The following SLC22A3 variants were observed in gnomAD, a reference collection of about 807,000 sequenced individuals.
SLC22A3 encodes EMT organic cation transporter 3.
A neutral mutation model predicts 59.1 loss-of-function variants in SLC22A3; 51 were observed. The ratio of observed to expected loss-of-function variants is 0.86; its 90% CI spans 0.69 to 1.09. The LOEUF is 1.09. Among genes scored for constraint, SLC22A3 ranks in the 50% least tolerant of loss-of-function variants. The probability of loss-of-function intolerance (pLI) is 0.00; values close to 1 mark genes in which losing one functional copy is unlikely to be tolerated. For synonymous variants in SLC22A3, 325 were observed against 292.0 expected (o/e 1.11, Z -1.15); for missense variants, 711 against 726.3 (o/e 0.98, Z 0.24).
At chr6:160,408,266 C>T (rs747385768) in intron 3 of SLC22A3, among the ~76,000 whole-genome samples, 8 of 152,120 alleles carry the variant, frequency 5.3e-5, no homozygotes, top group Non-Finnish European at 1.0e-4. Flanking sequence ...AGAGAATTAT[C>T]ATTTAATAGA....
At chr6:160,412,302 G>A (rs1787286776) in intron 5 of SLC22A3, among the ~76,000 whole-genome samples, 1 of 152,150 alleles carries the variant, frequency 6.6e-6, no homozygotes, top group African/African-American at 2.4e-5. Flanking sequence ...GGCAGAGGTT[G>A]CAATGAGACA....
intron 1 of SLC22A3, among the ~76,000 whole-genome samples, chr6:160,373,367 C>T (rs1372781617): frequency 3.3e-5 from 5 of 152,212 alleles, no homozygotes; most frequent in African/African-American, 9.6e-5. Context: ...CTACCTGTTT[C>T]TTCCTCTGGA....
intron 5 of SLC22A3, among the ~76,000 whole-genome samples, chr6:160,423,745 C>CAA (rs1298764266): frequency 6.6e-6 from 1 of 152,180 alleles, no homozygotes; most frequent in African/African-American, 2.4e-5. Flanking sequence ...GAGTAGATTG[C>CAA]AAAAATTTTC....
chr6:160,421,275 C>T (rs908375411), intron 5 of SLC22A3, among the ~76,000 whole-genome samples: 7 of 152,188 alleles, frequency 4.6e-5, no homozygotes, highest in East Asian at 1.9e-4. Flanking sequence ...AGGAACAAGT[C>T]CTATTGCTTG....
At chr6:160,411,185 T>C (rs1315894678) in intron 5 of SLC22A3, among the ~76,000 whole-genome samples, 1 of 152,232 alleles carries the variant, frequency 6.6e-6, no homozygotes, top group Non-Finnish European at 1.5e-5. Context: ...TTATTATACT[T>C]TACTTACTGT....
intron 10 of SLC22A3, among the ~76,000 whole-genome samples, chr6:160,449,369 C>A (rs919441691): frequency 1.3e-5 from 2 of 151,678 alleles, no homozygotes; most frequent in African/African-American, 2.4e-5. Context: ...TAATTTTTTT[C>A]TGTTTATAAT....
At chr6:160,360,393 G>A (rs530940043) in intron 1 of SLC22A3, among the ~76,000 whole-genome samples, 1 of 152,168 alleles carries the variant, frequency 6.6e-6, no homozygotes, top group Admixed American at 6.5e-5. Context: ...AGGAGGTGGA[G>A]GTTGCAGTGA....
At chr6:160,444,987 G>T (rs1357734814) in intron 9 of SLC22A3, among the ~76,000 whole-genome samples, 1 of 152,164 alleles carries the variant, frequency 6.6e-6, no homozygotes, top group Non-Finnish European at 1.5e-5. Flanking sequence ...AGCAGAAAGT[G>T]CTACTGTCCA....
rs973926532 is a variant in SLC22A3 at position 160,350,167 on chromosome 6, G to A, written c.429+1319G>A. Reference sequence around the variant, plus strand: ...GGATCTTTCTGTAACGCCGTGTGCTGCTGTGTTCGCACAGTGGATGGCTCT... The same window carrying A: ...GGATCTTTCTGTAACGCCGTGTGCTACTGTGTTCGCACAGTGGATGGCTCT... On this transcript the variant is annotated intron_variant, in intron 1 of 10. Transcript: ENST00000275300. 2.6e-5 allele frequency among the ~76,000 whole-genome samples: 4 copies of A among 151,982 alleles called. No homozygotes were observed. In the East Asian group the frequency reaches 7.7e-4, roughly 29 times the overall value.
At chr6:160,428,802 G>A (rs1054654712) in intron 5 of SLC22A3, among the ~76,000 whole-genome samples, 1 of 152,166 alleles carries the variant, frequency 6.6e-6, no homozygotes, top group South Asian at 2.1e-4. Flanking sequence ...CATCGTATAT[G>A]CTCTTGCATG....
In SLC22A3 at chr6:160,451,259, A is replaced by T; in HGVS notation, c.*203A>T. On this transcript the variant is annotated 3_prime_UTR_variant, in exon 11 of 11. Coordinates refer to ENST00000275300, the MANE Select transcript of SLC22A3 (RefSeq NM_021977.4). Reference sequence around the variant, plus strand: ...TGTAATGCTGTTGAAGTTTCTGGGAACACATAATATGTAGCCAGTTTAACA... The same window carrying T: ...TGTAATGCTGTTGAAGTTTCTGGGATCACATAATATGTAGCCAGTTTAACA... 1.7e-6 allele frequency: 1 copy of T among 576,936 alleles called. No individual in the cohort carries two copies. The highest frequency in any genetic ancestry group is 2.0e-5 in the South Asian group (1 of 49,502). 35.7% of individuals were successfully genotyped at this position (576,936 alleles called of 1,614,324 possible).
chr6:160,348,927 G>C (rs1784569179), intron 1 of SLC22A3, 79 bp downstream of exon 1: 1 of 1,532,324 alleles, frequency 6.5e-7, no homozygotes, highest in East Asian at 2.4e-5. Context: ...CGTGTGAGAC[G>C]CTGGCCGCCA....
At chr6:160,349,479 A>G (rs372952455) in intron 1 of SLC22A3, among the ~76,000 whole-genome samples, 3 of 113,352 alleles carry the variant, frequency 2.6e-5, no homozygotes, top group African/African-American at 1.1e-4. Context: ...GATAAATTTT[A>G]GTTTTTTTTT....
intron 3 of SLC22A3, among the ~76,000 whole-genome samples, chr6:160,407,872 C>A (rs888038932): frequency 4.6e-5 from 7 of 152,190 alleles, no homozygotes; most frequent in Admixed American, 2.0e-4. Flanking sequence ...AATGTGAATT[C>A]TCATCTTAGA....
intron 7 of SLC22A3, 115 bp downstream of exon 7, chr6:160,437,326 C>T (rs1281085057): frequency 3.2e-5 from 33 of 1,032,868 alleles, no homozygotes; most frequent in Middle Eastern, 4.4e-4. Flanking sequence ...CACAGTCTTT[C>T]GTGATGTCAC....
chr6:160,437,212 G>A lies in SLC22A3; in HGVS notation c.1288+1G>A, dbSNP rs1244257346. ...CTTGTCACTGCGTTCTTACCAGAAGGTAATCTTACCCCACATCTGTTTGGC... is the reference window on the plus strand; with the variant it reads ...CTTGTCACTGCGTTCTTACCAGAAGATAATCTTACCCCACATCTGTTTGGC... On this transcript the variant is annotated splice_donor_variant, in intron 7 of 10. Transcript: ENST00000275300. LOFTEE classifies it high-confidence loss of function. The A allele has an allele frequency of 2.5e-6, 4 of 1,613,788 alleles. No homozygotes were observed. The highest frequency in any genetic ancestry group is 3.4e-6 in the Non-Finnish European group (4 of 1,179,902).
chr6:160,422,036 G>A lies in SLC22A3; in HGVS notation c.975+11190G>A, dbSNP rs571259804. ...ATGAGTACAACTTCCAGAGCTCTGC[G>A]CAGCCAGCAACCCTGGCAGGAGTCC... On this transcript the variant is annotated intron_variant, in intron 5 of 10. Coordinates refer to ENST00000275300, the MANE Select transcript of SLC22A3 (RefSeq NM_021977.4). Among the ~76,000 whole-genome samples the A allele has an allele frequency of 5.3e-5, 8 of 152,326 alleles. No individual in the cohort carries two copies. The South Asian group carries it at 6.2e-4, about 12-fold the overall frequency.
At chr6:160,405,238 G>A (rs1468090847) in intron 2 of SLC22A3, among the ~76,000 whole-genome samples, 1 of 151,950 alleles carries the variant, frequency 6.6e-6, no homozygotes, top group African/African-American at 2.4e-5. Context: ...ACTAAAAAGC[G>A]GGCCAAAGAT....
At chr6:160,442,391 G>C (rs562730995) in intron 7 of SLC22A3, among the ~76,000 whole-genome samples, 30 of 152,298 alleles carry the variant, frequency 2.0e-4, no homozygotes, top group Non-Finnish European at 3.4e-4. Context: ...GTGGGAACGT[G>C]GTGGCTCAAA....
Sources: allele counts gnomAD v4.1 joint callset (sites outside exome capture counted in the v4.1 genomes callset), GRCh38; gene constraint gnomAD v4.1.1; transcripts MANE v1.5; gene names NCBI Gene and HGNC (gene_info 2026-07-23, HGNC 2026-07-21).